The following ZCCHC7 variants were observed in gnomAD, a reference collection of about 807,000 sequenced individuals.
The protein encoded by ZCCHC7 is zinc finger CCHC-type containing 7, also known as zinc finger CCHC domain-containing protein 7.
ZCCHC7 carries 35 observed loss-of-function variants against 52.0 expected under a neutral mutation model. That is an observed-to-expected ratio of 0.67 (90% CI 0.51 to 0.89). ZCCHC7 has a LOEUF of 0.89. Ranked by LOEUF, ZCCHC7 falls within the 40% of genes least tolerant of loss-of-function variation. ZCCHC7 has a pLI of 0.00. For missense variants in ZCCHC7, 574 were observed against 649.1 expected (o/e 0.88, Z 1.26); for synonymous variants, 217 against 221.5 (o/e 0.98, Z 0.18).
At chr9:37,123,261 T>A (rs1025899795) in intron 1 of ZCCHC7, among the ~76,000 whole-genome samples, 1 of 151,738 alleles carries the variant, frequency 6.6e-6, no homozygotes, top group Non-Finnish European at 1.5e-5. Context: ...TATATTGTCT[T>A]CCAAGACACT....
chr9:37,224,791 C>T (rs1483883519), intron 2 of ZCCHC7, among the ~76,000 whole-genome samples: 1 of 152,164 alleles, frequency 6.6e-6, no homozygotes, highest in Non-Finnish European at 1.5e-5. Context: ...CCACAAAACT[C>T]AATGAACCTC....
chr9:37,222,463 TG>T (rs953997770), intron 2 of ZCCHC7, among the ~76,000 whole-genome samples: 1 of 151,448 alleles, frequency 6.6e-6, no homozygotes. Flanking sequence ...TAAGTGATAT[TG>T]GAGAAAAGTT....
chr9:37,148,556 T>C (rs1307845727), intron 2 of ZCCHC7, among the ~76,000 whole-genome samples: 1 of 151,932 alleles, frequency 6.6e-6, no homozygotes, highest in African/African-American at 2.4e-5. Context: ...AAATTTGTAT[T>C]TTTATTTTGA....
At chr9:37,261,540 A>G (rs1240816549) in intron 2 of ZCCHC7, among the ~76,000 whole-genome samples, 1 of 152,218 alleles carries the variant, frequency 6.6e-6, no homozygotes, top group Non-Finnish European at 1.5e-5. Flanking sequence ...TGTGGTGAGC[A>G]AGATACTGAT....
At chr9:37,182,346 TTTTC>T (rs1462040438) in intron 2 of ZCCHC7, among the ~76,000 whole-genome samples, 2 of 150,978 alleles carry the variant, frequency 1.3e-5, no homozygotes, top group African/African-American at 4.9e-5. Context: ...TTGTATTTTT[TTTTC>T]TTTTTTTCTT....
intron 2 of ZCCHC7, among the ~76,000 whole-genome samples, chr9:37,285,473 A>G (rs1828162886): frequency 6.6e-6 from 1 of 151,470 alleles, no homozygotes; most frequent in Non-Finnish European, 1.5e-5. Flanking sequence ...TTATTTTTCT[A>G]TATTGGTTGT....
chr9:37,336,479 A>G (rs1432155150), intron 6 of ZCCHC7, among the ~76,000 whole-genome samples: 1 of 152,156 alleles, frequency 6.6e-6, no homozygotes, highest in Admixed American at 6.6e-5. Flanking sequence ...CAGTGGAATA[A>G]GCAGAGTTGG....
At chr9:37,310,321 G>T (rs1488018141) in intron 5 of ZCCHC7, among the ~76,000 whole-genome samples, 1 of 152,152 alleles carries the variant, frequency 6.6e-6, no homozygotes, top group Admixed American at 6.5e-5. Flanking sequence ...AATATACAGA[G>T]AATTTTTAAA....
intron 2 of ZCCHC7, among the ~76,000 whole-genome samples, chr9:37,207,246 G>A (rs1823967586): frequency 6.6e-6 from 1 of 152,120 alleles, no homozygotes; most frequent in Non-Finnish European, 1.5e-5. Context: ...TGATATATTT[G>A]GAGCATATAA....
rs146076104 is a variant in ZCCHC7, at chr9:37,224,112, CAGTATATTAATTTTTTAAA to C, written c.611-78073_611-78055del. On this transcript the variant is annotated intron_variant, in intron 2 of 8. Transcript: ENST00000336755. ...TAAATATTAATAAAGGGGTCACAAACAGTATATTAATTTTTTAAAAGGAAAAAACTTTTTATAATTGATT... is the reference window on the plus strand; with the variant it reads ...TAAATATTAATAAAGGGGTCACAAACAGGAAAAAACTTTTTATAATTGATT... Among the ~76,000 whole-genome samples, 3 of 151,992 alleles carry C rather than the reference CAGTATATTAATTTTTTAAA, an allele frequency of 2.0e-5. No individual in the cohort carries two copies. In the East Asian group the frequency reaches 5.8e-4, roughly 29 times the overall value.
intron 5 of ZCCHC7, among the ~76,000 whole-genome samples, chr9:37,325,613 G>A (rs1588673889): frequency 6.6e-6 from 1 of 152,106 alleles, no homozygotes; most frequent in East Asian, 1.9e-4. Flanking sequence ...AGAAAAATTA[G>A]GGTTTTAAAA....
At position 37,280,609 on chromosome 9, in the gene ZCCHC7, CAA is replaced by C. The variant is rs34669154; in HGVS notation, c.611-21567_611-21566del. On this transcript the variant is annotated intron_variant, in intron 2 of 8. Coordinates refer to ENST00000336755, the MANE Select transcript of ZCCHC7 (RefSeq NM_032226.3). ...TCACAATAGAATTAGAAATCTATAG[CAA>C]AAAAAAAAAAATCTGGAAAGTCCCC... Among the ~76,000 whole-genome samples the C allele has an allele frequency of 8.6e-3, 1,264 of 146,244 alleles. 6 individuals carry two copies. Among genetic ancestry groups the C allele is most frequent in the African/African-American group, 0.024 (962 of 40,216 alleles).
intron 2 of ZCCHC7, among the ~76,000 whole-genome samples, chr9:37,244,207 G>A (rs1208253395): frequency 6.7e-6 from 1 of 149,754 alleles, no homozygotes. Context: ...ATGGAGTAAA[G>A]TTAAGTGAAT....
intron 2 of ZCCHC7, among the ~76,000 whole-genome samples, chr9:37,258,359 A>T (rs1448678758): frequency 2.0e-5 from 3 of 152,202 alleles, no homozygotes; most frequent in Non-Finnish European, 4.4e-5. Flanking sequence ...GGATGATCAC[A>T]GTCAGCATGG....
intron 6 of ZCCHC7, among the ~76,000 whole-genome samples, chr9:37,347,008 G>A (rs1414708180): frequency 2.6e-5 from 4 of 152,018 alleles, no homozygotes; most frequent in African/African-American, 9.7e-5. Flanking sequence ...AAAAAAATTA[G>A]TTGGCAGACT....
At chr9:37,327,633 A>G (rs1029663874) in intron 5 of ZCCHC7, among the ~76,000 whole-genome samples, 166 bp from the exon 6 acceptor site, 4 of 152,114 alleles carry the variant, frequency 2.6e-5, no homozygotes, top group African/African-American at 9.7e-5. Flanking sequence ...TGTAAAATTC[A>G]ATTAAACTGT....
At chr9:37,211,622 ATAT>A (rs558643055) in intron 2 of ZCCHC7, among the ~76,000 whole-genome samples, 1 of 152,104 alleles carries the variant, frequency 6.6e-6, no homozygotes, top group Admixed American at 6.5e-5. Flanking sequence ...TAATTATGTG[ATAT>A]TATTTTATCT....
chr9:37,326,575 A>G (rs926138986), intron 5 of ZCCHC7, among the ~76,000 whole-genome samples: 1 of 151,776 alleles, frequency 6.6e-6, no homozygotes, highest in Non-Finnish European at 1.5e-5. Flanking sequence ...TTCAGCATAG[A>G]TATGTTTCAG....
At chr9:37,304,155 A>G (rs1364943733) in intron 3 of ZCCHC7, 33 bp from the exon 4 acceptor site, 8 of 1,572,546 alleles carry the variant, frequency 5.1e-6, no homozygotes, top group Non-Finnish European at 6.9e-6. Context: ...CAGTGAAACA[A>G]TTTTTTTAAT....
Sources: gnomAD v4.1 joint callset for allele counts (sites outside exome capture counted in the v4.1 genomes callset) on GRCh38, gnomAD v4.1.1 for gene constraint, MANE v1.5 for transcripts, NCBI Gene and HGNC (gene_info 2026-07-23, HGNC 2026-07-21) for gene names.